KCNMB2: variants seen among roughly 807,000 people sequenced by gnomAD.
KCNMB2 encodes calcium-activated potassium channel subunit beta-2.
KCNMB2 carries 9 observed loss-of-function variants against 24.5 expected under a neutral mutation model. The observed-to-expected ratio is 0.37, with a 90% CI of 0.22 to 0.64. KCNMB2 has a LOEUF of 0.64. Among genes scored for constraint, KCNMB2 ranks in the 30% least tolerant of loss-of-function variants. KCNMB2 has a pLI of 0.63. For synonymous variants in KCNMB2, 109 were observed against 104.4 expected (o/e 1.04, Z -0.27); for missense variants, 226 against 284.3 (o/e 0.79, Z 1.47).
intron 1 of KCNMB2, among the ~76,000 whole-genome samples, chr3:178,617,889 T>C (rs1379563248): frequency 1.0e-5 from 1 of 99,278 alleles, no homozygotes; most frequent in African/African-American, 3.8e-5. Context: ...AGACTCTGTC[T>C]AAAAAAAAAA....
intron 1 of KCNMB2, among the ~76,000 whole-genome samples, chr3:178,759,042 GATATAT>G (rs1175571508): frequency 3.4e-3 from 1 of 298 alleles, no homozygotes; most frequent in Non-Finnish European, 4.8e-3. Context: ...CTCCAAGAGG[GATATAT>G]ATATATATAT....
At chr3:178,780,954 A>C (rs182710599) in intron 1 of KCNMB2, among the ~76,000 whole-genome samples, 4 of 152,360 alleles carry the variant, frequency 2.6e-5, no homozygotes, top group Non-Finnish European at 5.9e-5. Context: ...CACTAGCCAC[A>C]GGTGACTACT....
intron 1 of KCNMB2, among the ~76,000 whole-genome samples, chr3:178,537,956 T>C (rs896516859): frequency 6.6e-6 from 1 of 152,220 alleles, no homozygotes; most frequent in Non-Finnish European, 1.5e-5. Context: ...AAAACTTCCA[T>C]ACTAATGCAG....
chr3:178,711,784 T>G (rs2108350381), intron 1 of KCNMB2, among the ~76,000 whole-genome samples: 1 of 152,324 alleles, frequency 6.6e-6, no homozygotes, highest in Non-Finnish European at 1.5e-5. Flanking sequence ...GTGCCAGGCT[T>G]AACGTAGTGC....
chr3:178,558,851 TTTC>T (rs1312110699), intron 1 of KCNMB2: 2 of 152,192 alleles, frequency 1.3e-5, no homozygotes, highest in African/African-American at 4.8e-5. Context: ...TTCTGTTTTC[TTTC>T]TTTTCTTAAT....
At chr3:178,602,072 A>C (rs561597416) in intron 1 of KCNMB2, among the ~76,000 whole-genome samples, 1 of 152,320 alleles carries the variant, frequency 6.6e-6, no homozygotes, top group Non-Finnish European at 1.5e-5. Flanking sequence ...AGAGAGGTAT[A>C]AGAAGGATAG....
chr3:178,840,376 C>G (rs1193101192), intron 4 of KCNMB2, among the ~76,000 whole-genome samples: 1 of 152,228 alleles, frequency 6.6e-6, no homozygotes, highest in Non-Finnish European at 1.5e-5. Context: ...GTCGGTGGAT[C>G]TATCCTTCTG....
intron 1 of KCNMB2, among the ~76,000 whole-genome samples, chr3:178,578,252 C>T (rs1717064811): frequency 6.6e-6 from 1 of 152,182 alleles, no homozygotes; most frequent in African/African-American, 2.4e-5. Flanking sequence ...GAATTTTCAA[C>T]CCAGAATTTC....
At chr3:178,665,329 T>G (rs1188118934) in intron 1 of KCNMB2, among the ~76,000 whole-genome samples, 1 of 152,170 alleles carries the variant, frequency 6.6e-6, no homozygotes, top group Non-Finnish European at 1.5e-5. Flanking sequence ...AAATATAATT[T>G]TGTTTTCTTT....
chr3:178,758,030 ATATATATATAT>A, intron 1 of KCNMB2, among the ~76,000 whole-genome samples: 1 of 1,656 alleles, frequency 6.0e-4, no homozygotes, highest in Non-Finnish European at 1.5e-3. Flanking sequence ...TCTAGAGGAT[ATATATATATAT>A]CTAGATATAT....
Position 178,759,851 on chromosome 3 carries a change from T to G in KCNMB2, c.-67-47492T>G, listed in dbSNP as rs1406515316. Among the ~76,000 whole-genome samples, 32 of 33,004 alleles carry G rather than the reference T, an allele frequency of 9.7e-4. 1 individual carries two copies. The highest frequency in any genetic ancestry group is 2.0e-3 in the South Asian group (1 of 506). The allele number at this position is 33,004 out of a possible 152,430, so 21.7% of individuals were successfully genotyped here. A position where few individuals can be genotyped will look rare whatever the true frequency, so the allele number is the denominator to read the frequency against. On this transcript the variant is annotated intron_variant, in intron 1 of 4. Coordinates refer to ENST00000452583, the MANE Select transcript of KCNMB2 (RefSeq NM_181361.3). ...ATCCAAGAGGATATATCTATATATA[T>G]ATATATATCCAAGAGGATATATCTA...
intron 1 of KCNMB2, among the ~76,000 whole-genome samples, chr3:178,573,662 G>C (rs1050367917): frequency 1.4e-4 from 20 of 139,508 alleles, no homozygotes; most frequent in Non-Finnish European, 9.1e-5. Context: ...TGGGAGGATT[G>C]TTTGAGCCCA....
chr3:178,833,856 T>G (rs1577223872), intron 4 of KCNMB2, among the ~76,000 whole-genome samples: 1 of 152,168 alleles, frequency 6.6e-6, no homozygotes, highest in African/African-American at 2.4e-5. Context: ...CATGCTCTCC[T>G]GGAGCCACTG....
chr3:178,725,462 G>A (rs1434339942), intron 1 of KCNMB2, among the ~76,000 whole-genome samples: 2 of 151,934 alleles, frequency 1.3e-5, no homozygotes, highest in African/African-American at 2.4e-5. Context: ...TAAAGATTCT[G>A]CAAAAAGACT....
intron 1 of KCNMB2, among the ~76,000 whole-genome samples, chr3:178,703,955 G>C (rs879857105): frequency 2.0e-5 from 3 of 152,094 alleles, no homozygotes; most frequent in Non-Finnish European, 4.4e-5. Flanking sequence ...AAAAATTCAA[G>C]AGTCAGGTCT....
At chr3:178,793,216 C>A (rs778976115) in intron 1 of KCNMB2, among the ~76,000 whole-genome samples, 3 of 152,194 alleles carry the variant, frequency 2.0e-5, no homozygotes, top group Admixed American at 2.0e-4. Context: ...CTGGGACACA[C>A]CTCTACCAGA....
At chr3:178,734,150 G>A (rs1042942576) in intron 1 of KCNMB2, among the ~76,000 whole-genome samples, 7 of 152,178 alleles carry the variant, frequency 4.6e-5, no homozygotes, top group Non-Finnish European at 1.0e-4. Context: ...GGGTGCCCAA[G>A]TGTAAGCCCA....
At chr3:178,809,299 A>G (rs566037709) in intron 2 of KCNMB2, among the ~76,000 whole-genome samples, 1 of 152,288 alleles carries the variant, frequency 6.6e-6, no homozygotes, top group African/African-American at 2.4e-5. Flanking sequence ...GAAGTGTAAT[A>G]TATTTCTTTC....
chr3:178,544,840 C>T (rs879858290), intron 1 of KCNMB2, among the ~76,000 whole-genome samples: 6 of 152,170 alleles, frequency 3.9e-5, no homozygotes, highest in Admixed American at 2.0e-4. Context: ...AATTAGGTTG[C>T]AAACTCATTG....
Sources: allele counts gnomAD v4.1 joint callset (sites outside exome capture counted in the v4.1 genomes callset), GRCh38; gene constraint gnomAD v4.1.1; transcripts MANE v1.5; gene names NCBI Gene and HGNC (gene_info 2026-07-23, HGNC 2026-07-21).